ST8SIA6: variants seen among roughly 807,000 people sequenced by gnomAD.
The protein encoded by ST8SIA6 is ST8 alpha-N-acetyl-neuraminide alpha-2,8-sialyltransferase 6.
A neutral mutation model predicts 33.6 loss-of-function variants in ST8SIA6; 39 were observed. That is an observed-to-expected ratio of 1.16 (90% CI 0.90 to 1.52). The LOEUF is 1.52. ST8SIA6 is among the 40% of genes most tolerant of loss of function. The pLI is 0.00. For missense variants in ST8SIA6, 441 were observed against 443.8 expected, an observed-to-expected ratio of 0.99 and a Z score of 0.06; for synonymous variants, 172 against 167.2, an observed-to-expected ratio of 1.03 and a Z score of -0.22.
chr10:17,420,139 C>A (rs1208753823), intron 2 of ST8SIA6, among the ~76,000 whole-genome samples: 1 of 152,194 alleles, frequency 6.6e-6, no homozygotes, highest in African/African-American at 2.4e-5. Context: ...GTGGGCTGGG[C>A]ACTGTGGCTT....
At position 17,358,652 on chromosome 10, in the gene ST8SIA6, T is replaced by TAAG. The variant is rs76356418; in HGVS notation, c.377+859_377+861dup. The stretch of plus-strand genomic sequence containing the variant: ...AAGGAAGGAAGGAGAAGAAAAAGAA[T>TAAG]AAGGAGGAGGAGGAAAGAAGAAAGA... On this transcript the variant is annotated intron_variant, in intron 4 of 7. Coordinates refer to ENST00000377602, the MANE Select transcript of ST8SIA6 (RefSeq NM_001004470.3). Among the ~76,000 whole-genome samples the TAAG allele has an allele frequency of 5.5e-3, 267 of 48,504 alleles. 5 individuals carry two copies. The highest frequency in any genetic ancestry group is 9.5e-3 in the Admixed American group (39 of 4,104). The allele number at this position is 48,504 out of a possible 152,430, so 31.8% of individuals were successfully genotyped here.
intron 4 of ST8SIA6, among the ~76,000 whole-genome samples, chr10:17,338,628 A>ACC (rs1167768960): frequency 1.3e-5 from 2 of 152,212 alleles, no homozygotes; most frequent in Non-Finnish European, 2.9e-5. Flanking sequence ...GTACATATAA[A>ACC]TGCTTCAAAG....
chr10:17,390,730 T>A lies in ST8SIA6; in HGVS notation c.201-110A>T, dbSNP rs545918285. The A allele has an allele frequency of 3.6e-5, 28 of 782,622 alleles. No individual in the cohort carries two copies. In the African/African-American group the frequency reaches 4.6e-4, roughly 13 times the overall value. 48.5% of individuals were successfully genotyped at this position (782,622 alleles called of 1,614,324 possible). A position where few individuals can be genotyped will look rare whatever the true frequency, so the allele number is the denominator to read the frequency against. On this transcript the variant is annotated intron_variant, in intron 2 of 7. Transcript: ENST00000377602. ...TAAAGTGTGTCCAAATGAAGTCTCA[T>A]CTTTACTCCATTATTGGATTTCTCC... is the stretch of plus-strand genomic sequence containing the variant.
At chr10:17,336,745 C>G (rs1848511553) in intron 4 of ST8SIA6, among the ~76,000 whole-genome samples, 1 of 151,720 alleles carries the variant, frequency 6.6e-6, no homozygotes, top group Non-Finnish European at 1.5e-5. Context: ...AGGTGCCCGC[C>G]ACTACACCCA....
chr10:17,368,090 C>T (rs1013937217), intron 3 of ST8SIA6, among the ~76,000 whole-genome samples: 2 of 151,938 alleles, frequency 1.3e-5, no homozygotes, highest in Non-Finnish European at 2.9e-5. Context: ...TAATAACCAA[C>T]AAAACACAAA....
intron 2 of ST8SIA6, among the ~76,000 whole-genome samples, chr10:17,410,931 T>G (rs1390554184): frequency 6.6e-6 from 1 of 152,228 alleles, no homozygotes; most frequent in Non-Finnish European, 1.5e-5. Context: ...CCAAATTTAC[T>G]GTGCTTAGGT....
At chr10:17,385,772 T>G (rs888481549) in intron 3 of ST8SIA6, among the ~76,000 whole-genome samples, 1 of 152,156 alleles carries the variant, frequency 6.6e-6, no homozygotes, top group Non-Finnish European at 1.5e-5. Context: ...CATACCTCCC[T>G]AAAATGTATA....
intron 2 of ST8SIA6, chr10:17,403,415 C>A (rs1279342089): frequency 6.6e-6 from 1 of 152,240 alleles, no homozygotes; most frequent in South Asian, 2.1e-4. Flanking sequence ...CTGTGGGAAG[C>A]AAGCCTAAAA....
chr10:17,386,185 A>G (rs991090400), intron 3 of ST8SIA6, among the ~76,000 whole-genome samples: 3 of 151,132 alleles, frequency 2.0e-5, no homozygotes, highest in Non-Finnish European at 4.4e-5. Flanking sequence ...TCACACACAC[A>G]CACACACACA....
At chr10:17,368,042 C>T (rs904437290) in intron 3 of ST8SIA6, among the ~76,000 whole-genome samples, 12 of 151,838 alleles carry the variant, frequency 7.9e-5, no homozygotes, top group South Asian at 2.1e-4. Flanking sequence ...ATATTTATTG[C>T]GCATTTGCTA....
chr10:17,411,402 C>G lies in ST8SIA6; in HGVS notation c.201-20782G>C, dbSNP rs188163291. ...TTCACCATGTTGGCCAGGCTGGTCTCGAACTCCTGACCTCAGGTGATCTTC... is the reference window on the plus strand; with the variant it reads ...TTCACCATGTTGGCCAGGCTGGTCTGGAACTCCTGACCTCAGGTGATCTTC... On this transcript the variant is annotated intron_variant, in intron 2 of 7. Coordinates refer to ENST00000377602, the MANE Select transcript of ST8SIA6 (RefSeq NM_001004470.3). Among the ~76,000 whole-genome samples, 57 of 152,210 alleles carry G rather than the reference C, an allele frequency of 3.7e-4. No homozygotes were observed. The East Asian group carries it at 0.01, about 27-fold the overall frequency.
intron 4 of ST8SIA6, among the ~76,000 whole-genome samples, chr10:17,334,951 C>T (rs1848457097): frequency 6.6e-6 from 1 of 152,136 alleles, no homozygotes; most frequent in South Asian, 2.1e-4. Context: ...GTTTAATCAA[C>T]CTTAAAGTCA....
chr10:17,363,859 G>A (rs1166682643), intron 3 of ST8SIA6, among the ~76,000 whole-genome samples: 2 of 152,076 alleles, frequency 1.3e-5, no homozygotes, highest in East Asian at 1.9e-4. Context: ...AGCCTGTTGG[G>A]CTGGCTCATA....
intron 3 of ST8SIA6, among the ~76,000 whole-genome samples, chr10:17,380,618 T>C (rs1850098946): frequency 6.6e-6 from 1 of 152,248 alleles, no homozygotes; most frequent in South Asian, 2.1e-4. Context: ...GCAATGGCTG[T>C]ACTTCTGAAA....
chr10:17,319,336 T>G lies in ST8SIA6; in HGVS notation c.*1542A>C, dbSNP rs1258668734. On this transcript the variant is annotated 3_prime_UTR_variant, in exon 8 of 8. Coordinates refer to ENST00000377602, the MANE Select transcript of ST8SIA6 (RefSeq NM_001004470.3). ...GATTAATTACCACCAATTCTGACTATAACACACTTTATGAAATCTCGGGGT... is the reference window on the plus strand; with the variant it reads ...GATTAATTACCACCAATTCTGACTAGAACACACTTTATGAAATCTCGGGGT... Among the ~76,000 whole-genome samples, 4 of 152,208 alleles carry G rather than the reference T, an allele frequency of 2.6e-5. No individual in the cohort carries two copies. Among genetic ancestry groups the G allele is most frequent in the African/African-American group, 9.6e-5 (4 of 41,452 alleles).
intron 3 of ST8SIA6, among the ~76,000 whole-genome samples, chr10:17,376,034 G>C (rs1405018266): frequency 6.6e-6 from 1 of 152,150 alleles, no homozygotes; most frequent in Non-Finnish European, 1.5e-5. Context: ...CAGCTGCCCA[G>C]CCAGACACTC....
chr10:17,320,564 G>C lies in ST8SIA6; in HGVS notation c.*314C>G, dbSNP rs911547057. 1.0e-5 allele frequency: 3 copies of C among 300,070 alleles called. No individual in the cohort carries two copies. Among genetic ancestry groups the C allele is most frequent in the Non-Finnish European group, 1.2e-5 (2 of 161,030 alleles). 18.6% of individuals were successfully genotyped at this position (300,070 alleles called of 1,614,324 possible). ...TTATTATCGGTCTGGTGAAGGTGGA[G>C]ATGGCTGGTATAAATAGTAAGAAAG... On this transcript the variant is annotated 3_prime_UTR_variant, in exon 8 of 8. Transcript: ENST00000377602.
rs758383345 is a variant in ST8SIA6 at position 17,323,090 on chromosome 10, T to A, written c.703A>T (p.Ile235Leu). The change falls in exon 7 of 8, where the codon ATA (isoleucine) becomes TTA (leucine). Residue 235 changes from isoleucine to leucine, a missense_variant. Coordinates refer to ENST00000377602, the MANE Select transcript of ST8SIA6 (RefSeq NM_001004470.3). ...DVGSKTNLVT[I>L]NPSIITLKYG... is the part of the protein sequence containing the mutation. ...TTCAGAGTTATGATGCTTGGATTTA[T>A]AGTCACAAGATTTGTTTTACTGCCA... is the stretch of plus-strand genomic sequence containing the variant. 36 of 1,613,630 alleles carry A rather than the reference T, an allele frequency of 2.2e-5. No homozygotes were observed. In the Admixed American group the frequency reaches 5.8e-4, roughly 26 times the overall value.
intron 3 of ST8SIA6, among the ~76,000 whole-genome samples, chr10:17,383,921 G>C (rs1478850516): frequency 6.6e-6 from 1 of 152,138 alleles, no homozygotes; most frequent in African/African-American, 2.4e-5. Context: ...ACAAAATTTG[G>C]AGCATATTTG....
Sources: allele counts gnomAD v4.1 joint callset (sites outside exome capture counted in the v4.1 genomes callset), GRCh38; gene constraint gnomAD v4.1.1; transcripts MANE v1.5; gene names NCBI Gene and HGNC (gene_info 2026-07-23, HGNC 2026-07-21).